Variants in ATG7 observed in about 807,000 individuals in gnomAD.
ATG7 encodes autophagy related 7.
A neutral mutation model predicts 82.4 loss-of-function variants in ATG7; 70 were observed. The ratio of observed to expected loss-of-function variants is 0.85; its 90% CI spans 0.70 to 1.04. The LOEUF (loss-of-function observed/expected upper bound fraction) is 1.04. Among genes scored for constraint, ATG7 ranks in the 50% least tolerant of loss-of-function variants. The probability of loss-of-function intolerance (pLI) is 0.00; values close to 1 mark genes in which losing one functional copy is unlikely to be tolerated. For synonymous variants in ATG7, 287 were observed against 313.0 expected (o/e 0.92, Z 0.88); for missense variants, 792 against 864.3 (o/e 0.92, Z 1.05).
chr3:11,486,820 G>GTTTTTTTTTTTTTTTTT (rs34251925), intron 20 of ATG7, among the ~76,000 whole-genome samples: 1 of 132,024 alleles, frequency 7.6e-6, no homozygotes, highest in Non-Finnish European at 1.6e-5. Context: ...CTTTGGTTCT[G>GTTTTTTTTTTTTTTTTT]TTTTTTTTTT....
chr3:11,398,495 T>C (rs753567559), intron 19 of ATG7, among the ~76,000 whole-genome samples: 1 of 152,178 alleles, frequency 6.6e-6, no homozygotes, highest in African/African-American at 2.4e-5. Flanking sequence ...GATGACATAA[T>C]GGAAATTAAG....
At chr3:11,564,916 G>C in the ATG7 span, 3 of 1,599,256 alleles carry the variant, frequency 1.9e-6, no homozygotes, top group Admixed American at 1.7e-5. Context: ...GAGGTGTACA[G>C]GTGGCTGCCG....
chr3:11,551,077 G>A (rs191309128), intron 20 of ATG7, among the ~76,000 whole-genome samples: 66 of 152,250 alleles, frequency 4.3e-4, no homozygotes, highest in African/African-American at 1.4e-3. Flanking sequence ...GTAATGAGCC[G>A]AGATGGCACT....
chr3:11,335,049 A>T (rs903081152), intron 11 of ATG7, among the ~76,000 whole-genome samples: 8 of 151,772 alleles, frequency 5.3e-5, no homozygotes, highest in African/African-American at 1.9e-4. Flanking sequence ...ACATTTTTTC[A>T]GCGATTCTAT....
chr3:11,390,778 G>A (rs548390347), intron 19 of ATG7, among the ~76,000 whole-genome samples: 1 of 151,938 alleles, frequency 6.6e-6, no homozygotes, highest in Non-Finnish European at 1.5e-5. Context: ...GTACTGCAAG[G>A]CTTAAAATGG....
rs1161786451 is a variant in ATG7, at chr3:11,358,483, T to C, written c.1350T>C (p.Thr450=). The C allele has an allele frequency of 1.9e-6, 3 of 1,614,128 alleles. No individual in the cohort carries two copies. The highest frequency in any genetic ancestry group is 1.7e-6 in the Non-Finnish European group (2 of 1,179,994). ...PGHPVNFSSV[T]LEQARRDVEQ... ...ATCCAGTGAACTTCTCCAGTGTCAC[T>C]CTGGAGCAAGCCCGCAGAGATGTGG... The change falls in exon 15 of 21, where the codon ACT becomes ACC. Residue 450 remains threonine (T), a synonymous_variant. Coordinates refer to ENST00000693202, the MANE Select transcript of ATG7 (RefSeq NM_001349232.2).
intron 20 of ATG7, among the ~76,000 whole-genome samples, chr3:11,437,443 G>A (rs966521192): frequency 1.9e-4 from 29 of 152,146 alleles, no homozygotes; most frequent in Non-Finnish European, 1.0e-4. Context: ...AGAAGACATC[G>A]CAGATAAAGG....
At chr3:11,485,624 T>A (rs961646106) in intron 20 of ATG7, among the ~76,000 whole-genome samples, 1 of 152,240 alleles carries the variant, frequency 6.6e-6, no homozygotes, top group Non-Finnish European at 1.5e-5. Flanking sequence ...CACATGCCTA[T>A]GTCCTGAATG....
intron 20 of ATG7, among the ~76,000 whole-genome samples, chr3:11,475,889 ACACACACACACACACACACC>A (rs1167530281): frequency 6.7e-6 from 1 of 150,266 alleles, no homozygotes; most frequent in African/African-American, 2.4e-5. Flanking sequence ...ACACACACAC[ACACACACACACACACACACC>A]CCCTCCCAGA....
chr3:11,549,580 T>G (rs1324056264), intron 20 of ATG7, among the ~76,000 whole-genome samples: 1 of 152,214 alleles, frequency 6.6e-6, no homozygotes, highest in Non-Finnish European at 1.5e-5. Context: ...CACCCATCAG[T>G]AGTTTAATGG....
intron 19 of ATG7, among the ~76,000 whole-genome samples, chr3:11,405,982 T>TTTTTTG (rs1217738028): frequency 1.4e-4 from 13 of 90,420 alleles, no homozygotes; most frequent in African/African-American, 5.3e-4. Context: ...TTCCTTGCTT[T>TTTTTTG]TTTTTGTTTT....
chr3:11,574,729 C>T, the ATG7 span, among the ~76,000 whole-genome samples: 75 of 150,760 alleles, frequency 5.0e-4, 1 homozygote, highest in Non-Finnish European at 5.7e-4. Context: ...TGACACATGT[C>T]GAAACTTCAC....
chr3:11,419,557 A>G (rs2152929868), intron 19 of ATG7, among the ~76,000 whole-genome samples: 1 of 151,974 alleles, frequency 6.6e-6, no homozygotes, highest in Middle Eastern at 3.4e-3. Context: ...CTTGTCTCAA[A>G]ACAAACAAAA....
the ATG7 span, among the ~76,000 whole-genome samples, chr3:11,567,108 T>C: frequency 6.6e-6 from 1 of 152,086 alleles, no homozygotes; most frequent in South Asian, 2.1e-4. Flanking sequence ...GGCTGTGATG[T>C]TGTGATGTCA....
intron 3 of ATG7, among the ~76,000 whole-genome samples, chr3:11,292,364 A>G (rs761423082): frequency 3.3e-5 from 5 of 151,730 alleles, no homozygotes; most frequent in African/African-American, 1.2e-4. Flanking sequence ...GGTTCAAACA[A>G]TTCTCCTGCG....
At chr3:11,370,299 C>T (rs1335132048) in intron 18 of ATG7, among the ~76,000 whole-genome samples, 1 of 150,996 alleles carries the variant, frequency 6.6e-6, no homozygotes, top group African/African-American at 2.4e-5. Flanking sequence ...ATAACACTGG[C>T]TCATGTCCAG....
chr3:11,533,805 A>G lies in ATG7; in HGVS notation c.2080-21006A>G, dbSNP rs148024251. Among the ~76,000 whole-genome samples, 485 of 152,360 alleles carry G rather than the reference A, an allele frequency of 3.2e-3. 2 individuals are homozygous for G. Among genetic ancestry groups the G allele is most frequent in the African/African-American group, 0.011 (466 of 41,582 alleles). On this transcript the variant is annotated intron_variant, in intron 20 of 20. Coordinates refer to ENST00000693202, the MANE Select transcript of ATG7 (RefSeq NM_001349232.2). ...CAGAGAAACAGAAAAGAGTAAAACA[A>G]AAGAAACTAGAAGCAGAAAACTCTG...
At chr3:11,551,748 CTTTTCTT>C (rs2071809952) in intron 20 of ATG7, among the ~76,000 whole-genome samples, 1 of 140,000 alleles carries the variant, frequency 7.1e-6, no homozygotes. Context: ...GGGTTCTTTT[CTTTTCTT>C]TTTTTTTTCT....
At chr3:11,352,581 T>C (rs971797904) in intron 14 of ATG7, among the ~76,000 whole-genome samples, 9 of 152,240 alleles carry the variant, frequency 5.9e-5, no homozygotes, top group African/African-American at 2.2e-4. Flanking sequence ...GGATTTAGTA[T>C]AGTTTCTTCA....
Sources: gnomAD v4.1 joint callset for allele counts (sites outside exome capture counted in the v4.1 genomes callset) on GRCh38, gnomAD v4.1.1 for gene constraint, MANE v1.5 for transcripts, NCBI Gene and HGNC (gene_info 2026-07-23, HGNC 2026-07-21) for gene names.